DMD: variants seen among roughly 807,000 people sequenced by gnomAD.
DMD encodes the protein mutant dystrophin.
Under a neutral mutation model 330.1 loss-of-function variants are expected in DMD, and 63 were observed. The ratio of observed to expected loss-of-function variants is 0.19; its 90% confidence interval spans 0.16 to 0.24. The LOEUF is 0.24. Ranked by LOEUF, DMD falls within the 10% of genes least tolerant of loss-of-function variation. DMD has a pLI of 1.00. For synonymous variants in DMD, 1,223 were observed against 959.8 expected, an observed-to-expected ratio of 1.27 and a Z score of -5.07; for missense variants, 3,344 against 2,684.1, an observed-to-expected ratio of 1.25 and a Z score of -5.43.
intron 78 of DMD, among the ~76,000 whole-genome samples, chrX:31,124,658 A>G (rs2033369158): frequency 8.9e-6 from 1 of 111,903 alleles, no homozygotes; most frequent in Non-Finnish European, 1.9e-5. Context: ...GGATTATTGA[A>G]CACAAAGGCA....
intron 77 of DMD, among the ~76,000 whole-genome samples, chrX:31,130,331 C>T (rs1037958712): frequency 5.4e-5 from 6 of 111,667 alleles, no homozygotes; most frequent in Admixed American, 1.9e-4. Context: ...TTAGAGAGTA[C>T]CTTATAGTAA....
chrX:32,407,874 CA>C (rs1217014274), intron 30 of DMD, among the ~76,000 whole-genome samples: 1 of 102,737 alleles, frequency 9.7e-6, no homozygotes, highest in Non-Finnish European at 2.0e-5. Flanking sequence ...ATCGCAAGGA[CA>C]AAAAACCAAA....
At chrX:31,143,071 A>T (rs995068017) in intron 76 of DMD, among the ~76,000 whole-genome samples, 1 of 112,261 alleles carries the variant, frequency 8.9e-6, no homozygotes, top group African/African-American at 3.2e-5. Context: ...CCAAGTATAT[A>T]CACTGCATTT....
At chrX:31,874,198 T>C (rs2093934073) in intron 48 of DMD, among the ~76,000 whole-genome samples, 2 of 111,410 alleles carry the variant, frequency 1.8e-5, no homozygotes, top group Non-Finnish European at 3.8e-5. Context: ...AAATTCATTA[T>C]ATCAAAATAA....
At chrX:31,614,129 T>C (rs773344450) in intron 55 of DMD, among the ~76,000 whole-genome samples, 38 of 112,545 alleles carry the variant, frequency 3.4e-4, no homozygotes, top group African/African-American at 1.2e-3. Context: ...GTAAAGCTAC[T>C]GCAAAAACTA....
chrX:32,880,907 G>C (rs182160263), intron 2 of DMD, among the ~76,000 whole-genome samples: 1 of 112,596 alleles, frequency 8.9e-6, no homozygotes, highest in Admixed American at 9.4e-5. Flanking sequence ...TTGCGCCATC[G>C]CACTCCAGCC....
intron 62 of DMD, among the ~76,000 whole-genome samples, chrX:31,295,368 T>C (rs1199259912): frequency 9.0e-6 from 1 of 110,654 alleles, no homozygotes; most frequent in African/African-American, 3.3e-5. Flanking sequence ...TTTATTGACA[T>C]TTAGTATACA....
intron 30 of DMD, among the ~76,000 whole-genome samples, chrX:32,405,991 G>A (rs7882139): frequency 9.1e-6 from 1 of 110,334 alleles, no homozygotes; most frequent in East Asian, 2.8e-4. Flanking sequence ...TGGATTCCTA[G>A]GTATTTTATT....
chrX:32,149,148 G>A (rs1408500984), intron 44 of DMD, among the ~76,000 whole-genome samples: 1 of 111,764 alleles, frequency 8.9e-6, no homozygotes, highest in African/African-American at 3.3e-5. Context: ...GATCTGCTGA[G>A]TCCAGCAGAA....
At chrX:33,127,549 T>A (rs1003458740) in intron 1 of DMD, among the ~76,000 whole-genome samples, 1 of 111,176 alleles carries the variant, frequency 9.0e-6, no homozygotes, top group East Asian at 2.8e-4. Flanking sequence ...TTCACAAGGA[T>A]CCTTGTTATT....
chrX:32,772,381 G>A (rs961820564), intron 7 of DMD, among the ~76,000 whole-genome samples: 7 of 112,188 alleles, frequency 6.2e-5, no homozygotes, highest in Non-Finnish European at 1.3e-4. Context: ...AACAGCAATT[G>A]AATTAAAATA....
At chrX:32,425,152 A>G (rs974930040) in intron 29 of DMD, among the ~76,000 whole-genome samples, 42 of 111,649 alleles carry the variant, frequency 3.8e-4, no homozygotes, top group Non-Finnish European at 7.9e-4. Flanking sequence ...AATCTTTAAA[A>G]CAAAAGAGCT....
intron 62 of DMD, among the ~76,000 whole-genome samples, chrX:31,284,978 G>A (rs1193177496): frequency 1.8e-5 from 2 of 109,925 alleles, no homozygotes; most frequent in Admixed American, 9.8e-5. Context: ...ATCACACATC[G>A]TGTAGACCGA....
chrX:32,316,915 TCAGA>T (rs951771680), intron 41 of DMD, among the ~76,000 whole-genome samples: 5 of 111,136 alleles, frequency 4.5e-5, no homozygotes, highest in Non-Finnish European at 9.5e-5. Flanking sequence ...AATAAAAATT[TCAGA>T]CAGTTATTTA....
In DMD at chrX:32,752,283, G is replaced by T. The variant is rs763751884; in HGVS notation, c.650-52990C>A. ...CCTGAAAAGCCGCAGGGGCAGAGTG[G>T]CCCAAGACCACGTGAACCCCTCTCT... On this transcript the variant is annotated intron_variant, in intron 7 of 78. Transcript: ENST00000357033. 8.3e-4 allele frequency among the ~76,000 whole-genome samples: 92 copies of T among 111,238 alleles called. 1 individual carries two copies. The highest frequency in any genetic ancestry group is 7.7e-4 in the Non-Finnish European group (41 of 53,065).
At chrX:31,737,401 T>C (rs1001169783) in intron 51 of DMD, among the ~76,000 whole-genome samples, 3 of 113,021 alleles carry the variant, frequency 2.7e-5, no homozygotes, top group African/African-American at 9.6e-5. Flanking sequence ...TTGCAATAAA[T>C]AGTTCATTCA....
intron 7 of DMD, among the ~76,000 whole-genome samples, chrX:32,731,744 C>T (rs1369304399): frequency 1.8e-5 from 2 of 112,018 alleles, no homozygotes; most frequent in African/African-American, 3.3e-5. Flanking sequence ...AGGACATCCA[C>T]ACAAAAAACC....
chrX:33,015,025 G>A lies in DMD; in HGVS notation c.93+5114C>T, dbSNP rs186363539. 5.4e-3 allele frequency among the ~76,000 whole-genome samples: 601 copies of A among 111,304 alleles called. 2 individuals are homozygous for A. Among genetic ancestry groups the A allele is most frequent in the Non-Finnish European group, 8.5e-3 (450 of 52,983 alleles). On this transcript the variant is annotated intron_variant, in intron 2 of 78. Coordinates refer to ENST00000357033, the MANE Select transcript of DMD (RefSeq NM_004006.3). ...TGCTTTATCAAAAAATAACGTGCTG[G>A]TGGGGCTGCGGAGAAAATGGAACAC...
intron 7 of DMD, among the ~76,000 whole-genome samples, chrX:32,805,030 A>G (rs760527740): frequency 3.6e-5 from 4 of 112,068 alleles, no homozygotes; most frequent in Non-Finnish European, 5.6e-5. Context: ...AAAGGGTGAA[A>G]ATTCCAAAAC....
Sources: gnomAD v4.1 joint callset for allele counts (sites outside exome capture counted in the v4.1 genomes callset) on GRCh38, gnomAD v4.1.1 for gene constraint, MANE v1.5 for transcripts, NCBI Gene and HGNC (gene_info 2026-07-23, HGNC 2026-07-21) for gene names.